TOP6BL: variants seen among roughly 807,000 people sequenced by gnomAD.
TOP6BL encodes TOP6B like initiator of meiotic double strand breaks.
the TOP6BL span, among the ~76,000 whole-genome samples, chr11:66,840,555 T>C: frequency 6.6e-6 from 1 of 152,098 alleles, no homozygotes; most frequent in East Asian, 1.9e-4. Context: ...CCTCCACTTA[T>C]CCTCAACCTC....
the TOP6BL span, chr11:66,815,971 T>C: frequency 2.2e-6 from 3 of 1,352,894 alleles, no homozygotes; most frequent in Admixed American, 7.0e-5. Flanking sequence ...TCCTTCTTTG[T>C]TCAGAATACA....
the TOP6BL span, chr11:66,843,413 C>T: frequency 1.4e-6 from 2 of 1,409,152 alleles, no homozygotes; most frequent in South Asian, 1.6e-5. Context: ...ACCCACACCT[C>T]CCTGGGACTG....
the TOP6BL span, among the ~76,000 whole-genome samples, chr11:66,830,529 T>C: frequency 6.6e-6 from 1 of 151,506 alleles, no homozygotes; most frequent in Non-Finnish European, 1.5e-5. Flanking sequence ...AGAAATGAAA[T>C]AATAAAGATC....
chr11:66,808,776 A>T, the TOP6BL span, among the ~76,000 whole-genome samples: 1 of 152,218 alleles, frequency 6.6e-6, no homozygotes, highest in Non-Finnish European at 1.5e-5. Flanking sequence ...TAGCAAAAAT[A>T]AAACAAAGAG....
At chr11:66,768,329 C>A in the TOP6BL span, among the ~76,000 whole-genome samples, 1 of 151,814 alleles carries the variant, frequency 6.6e-6, no homozygotes, top group Non-Finnish European at 1.5e-5. Context: ...ACAAAATCAA[C>A]AACTCTAAGG....
At chr11:66,842,904 G>T in the TOP6BL span, 1 of 1,572,454 alleles carries the variant, frequency 6.4e-7, no homozygotes, top group East Asian at 2.4e-5. Flanking sequence ...CCCGCATAGA[G>T]GAGATGCGAG....
At chr11:66,822,120 T>G in the TOP6BL span, among the ~76,000 whole-genome samples, 1 of 152,232 alleles carries the variant, frequency 6.6e-6, no homozygotes, top group Non-Finnish European at 1.5e-5. Flanking sequence ...TCCCCCATTT[T>G]CCTAATTCTT....
At chr11:66,838,380 A>G in the TOP6BL span, 1 of 1,611,556 alleles carries the variant, frequency 6.2e-7, no homozygotes, top group South Asian at 1.1e-5. Context: ...CTAACCCTAG[A>G]AAAAAAGGAC....
the TOP6BL span, among the ~76,000 whole-genome samples, chr11:66,823,497 C>T: frequency 6.6e-6 from 1 of 152,064 alleles, no homozygotes; most frequent in Non-Finnish European, 1.5e-5. Flanking sequence ...TTTAAGATTT[C>T]TGCTTTCTTT....
chr11:66,789,897 A>G, the TOP6BL span, among the ~76,000 whole-genome samples: 5 of 152,300 alleles, frequency 3.3e-5, no homozygotes, highest in East Asian at 7.7e-4. Context: ...TTCAATATTT[A>G]CTTATTCATC....
At chr11:66,772,135 G>A in the TOP6BL span, among the ~76,000 whole-genome samples, 1 of 152,274 alleles carries the variant, frequency 6.6e-6, no homozygotes, top group African/African-American at 2.4e-5. Context: ...GAGGGGTTCA[G>A]TACTTAAGTG....
At chr11:66,776,648 A>C in the TOP6BL span, among the ~76,000 whole-genome samples, 4 of 152,092 alleles carry the variant, frequency 2.6e-5, no homozygotes, top group African/African-American at 9.7e-5. Flanking sequence ...TCCATTATTA[A>C]GTATATTTGC....
the TOP6BL span, among the ~76,000 whole-genome samples, chr11:66,816,685 C>G: frequency 6.6e-6 from 1 of 152,184 alleles, no homozygotes. Context: ...CTTCAGCCTC[C>G]CAAGTAGCTG....
chr11:66,793,569 C>T, the TOP6BL span, among the ~76,000 whole-genome samples: 3 of 151,240 alleles, frequency 2.0e-5, no homozygotes, highest in Admixed American at 1.3e-4. Flanking sequence ...CTCAGCCTCC[C>T]GAGTAGCTGG....
the TOP6BL span, among the ~76,000 whole-genome samples, chr11:66,805,893 CAAT>C: frequency 6.6e-6 from 1 of 152,050 alleles, no homozygotes; most frequent in Non-Finnish European, 1.5e-5. Context: ...AATTGTATCT[CAAT>C]AAAGCTATTT....
chr11:66,821,742 A>T, the TOP6BL span: 1 of 1,613,476 alleles, frequency 6.2e-7, no homozygotes, highest in Admixed American at 1.7e-5. Flanking sequence ...AAGGTCTTGG[A>T]GCAACATCAC....
the TOP6BL span, chr11:66,815,983 G>T: frequency 7.0e-7 from 1 of 1,428,580 alleles, no homozygotes. Context: ...CAGAATACAG[G>T]TTCTGTAGTC....
chr11:66,790,763 G>T, the TOP6BL span, among the ~76,000 whole-genome samples: 1 of 152,164 alleles, frequency 6.6e-6, no homozygotes, highest in Non-Finnish European at 1.5e-5. Flanking sequence ...AATGAGTGGA[G>T]GTCAAGGTCA....
the TOP6BL span, among the ~76,000 whole-genome samples, chr11:66,798,530 G>C: frequency 6.7e-6 from 1 of 148,166 alleles, no homozygotes; most frequent in Non-Finnish European, 1.5e-5. Context: ...AACCCAGGAG[G>C]TTGAGGCTGC....
Sources: allele counts gnomAD v4.1 joint callset (sites outside exome capture counted in the v4.1 genomes callset), GRCh38; gene constraint gnomAD v4.1.1; transcripts MANE v1.5; gene names NCBI Gene and HGNC (gene_info 2026-07-23, HGNC 2026-07-21).